ZFHX3: variants seen among roughly 807,000 people sequenced by gnomAD.
The protein encoded by ZFHX3 is zinc finger homeobox protein 3.
Under a neutral mutation model 279.1 loss-of-function variants are expected in ZFHX3, and 42 were observed. That is an observed-to-expected ratio of 0.15 (90% CI 0.12 to 0.19). The LOEUF is 0.19. ZFHX3 is among the 10% of genes least tolerant of loss of function. The pLI, the probability that ZFHX3 is intolerant of heterozygous loss-of-function variation, is 1.00. For missense variants in ZFHX3, 4,981 were observed against 4,754.0 expected (o/e 1.05, Z -1.40); for synonymous variants, 2,293 against 1,957.8 (o/e 1.17, Z -4.52).
intron 4 of ZFHX3, among the ~76,000 whole-genome samples, chr16:72,889,247 C>T (rs2038706924): frequency 6.6e-6 from 1 of 152,116 alleles, no homozygotes; most frequent in South Asian, 2.1e-4. Context: ...TTATTCCTCT[C>T]TAAAGTTCAG....
intron 1 of ZFHX3, among the ~76,000 whole-genome samples, chr16:73,770,229 T>C (rs558817433): frequency 6.6e-6 from 1 of 152,202 alleles, no homozygotes; most frequent in Non-Finnish European, 1.5e-5. Flanking sequence ...GTCAGAGTGA[T>C]GTAATGTTAG....
chr16:72,997,979 G>T (rs1251751125), intron 1 of ZFHX3, among the ~76,000 whole-genome samples: 1 of 152,156 alleles, frequency 6.6e-6, no homozygotes, highest in African/African-American at 2.4e-5. Flanking sequence ...CTACTCAGGA[G>T]GCTGGGATAG....
chr16:73,396,073 C>A, intron 3 of ZFHX3, among the ~76,000 whole-genome samples: 1 of 152,192 alleles, frequency 6.6e-6, no homozygotes, highest in South Asian at 2.1e-4. Context: ...AGGAATGTAG[C>A]AATTCTGTTG....
chr16:73,600,386 T>G (rs557139899), intron 2 of ZFHX3, among the ~76,000 whole-genome samples: 1 of 151,950 alleles, frequency 6.6e-6, no homozygotes, highest in East Asian at 2.0e-4. Flanking sequence ...TGCTGTATCT[T>G]TTAGCTCTGT....
chr16:73,255,180 G>C (rs1209050442), intron 5 of ZFHX3, among the ~76,000 whole-genome samples: 1 of 152,204 alleles, frequency 6.6e-6, no homozygotes, highest in Non-Finnish European at 1.5e-5. Flanking sequence ...TCAACGGCTA[G>C]GATCATACCT....
At chr16:72,866,399 G>A (rs2038025529) in intron 4 of ZFHX3, among the ~76,000 whole-genome samples, 1 of 152,208 alleles carries the variant, frequency 6.6e-6, no homozygotes, top group South Asian at 2.1e-4. Flanking sequence ...CAAGAAGGGT[G>A]CAATTGGGAG....
In ZFHX3 at chr16:73,079,769, C is replaced by T. The variant is rs558644672; in HGVS notation, c.-533+13466G>A. ...GATGTGCCATCCTTCCATTCATTACCCAATTTCCTGAAGAATCATTTAAAT... is the reference window on the plus strand; with the variant it reads ...GATGTGCCATCCTTCCATTCATTACTCAATTTCCTGAAGAATCATTTAAAT... On this transcript the variant is annotated intron_variant, in intron 8 of 17. Transcript: ENST00000641206. Among the ~76,000 whole-genome samples, 33 of 152,268 alleles carry T rather than the reference C, an allele frequency of 2.2e-4. No individual in the cohort carries two copies. The South Asian group carries it at 6.9e-3, about 32-fold the overall frequency.
At chr16:73,627,424 C>G (rs1168285213) in intron 2 of ZFHX3, among the ~76,000 whole-genome samples, 1 of 152,190 alleles carries the variant, frequency 6.6e-6, no homozygotes, top group Non-Finnish European at 1.5e-5. Flanking sequence ...ATGTCCTTTG[C>G]AAGCCGGAAA....
chr16:73,225,511 G>A (rs1372741953), intron 5 of ZFHX3, among the ~76,000 whole-genome samples: 10 of 152,134 alleles, frequency 6.6e-5, no homozygotes, highest in East Asian at 5.8e-4. Context: ...CGTCATTTGA[G>A]CCCGGGAGGT....
chr16:72,786,534 A>ATACTT lies in ZFHX3; in HGVS notation c.*625_*629dup, dbSNP rs1001975164. The ATACTT allele has an allele frequency of 2.0e-5, 3 of 150,504 alleles. No homozygotes were observed. The highest frequency in any genetic ancestry group is 1.3e-4 in the Admixed American group (2 of 15,122). The allele number at this position is 150,504 out of a possible 1,614,324, so 9.3% of individuals were successfully genotyped here. A position where few individuals can be genotyped will look rare whatever the true frequency, so the allele number is the denominator to read the frequency against. ...AAGCAGTTCACATTGTTTTTCTTGA[A>ATACTT]TACTTTCTGCCCATTTTTAAGTTAA... On this transcript the variant is annotated 3_prime_UTR_variant, in exon 10 of 10. Transcript: ENST00000268489.
intron 3 of ZFHX3, among the ~76,000 whole-genome samples, chr16:73,389,870 G>A (rs985317658): frequency 6.6e-6 from 1 of 152,142 alleles, no homozygotes; most frequent in Non-Finnish European, 1.5e-5. Flanking sequence ...GACCAGCCTG[G>A]CCAACACAGT....
chr16:73,160,617 C>T (rs774005297), intron 5 of ZFHX3, among the ~76,000 whole-genome samples: 19 of 152,218 alleles, frequency 1.2e-4, no homozygotes, highest in Non-Finnish European at 2.2e-4. Flanking sequence ...TCATTACTGC[C>T]ATCATAATCA....
intron 2 of ZFHX3, among the ~76,000 whole-genome samples, chr16:73,508,598 G>A (rs1333406600): frequency 6.6e-6 from 1 of 152,140 alleles, no homozygotes; most frequent in African/African-American, 2.4e-5. Flanking sequence ...GAAAATAGTG[G>A]GAGCTGAACT....
At chr16:73,687,058 A>ATATATATATG (rs1370607539) in intron 1 of ZFHX3, among the ~76,000 whole-genome samples, 1 of 84,290 alleles carries the variant, frequency 1.2e-5, no homozygotes. Context: ...ATATATATAT[A>ATATATATATG]TATATATTTG....
chr16:73,636,207 C>A (rs1020641189), intron 2 of ZFHX3, among the ~76,000 whole-genome samples: 1 of 152,142 alleles, frequency 6.6e-6, no homozygotes, highest in Non-Finnish European at 1.5e-5. Flanking sequence ...TATTACTAGA[C>A]TCCTCAAGAT....
At chr16:73,827,783 T>G (rs1193340467) in intron 1 of ZFHX3, among the ~76,000 whole-genome samples, 2 of 129,524 alleles carry the variant, frequency 1.5e-5, no homozygotes, top group Admixed American at 8.4e-5. Context: ...TTGTTATAAT[T>G]TCTGTTCTTT....
At chr16:73,223,107 T>G (rs1304261838) in intron 5 of ZFHX3, among the ~76,000 whole-genome samples, 1 of 152,094 alleles carries the variant, frequency 6.6e-6, no homozygotes, top group East Asian at 1.9e-4. Flanking sequence ...AACATAAAAC[T>G]GTAAAACTCC....
At chr16:73,545,165 C>G (rs1284528957) in intron 2 of ZFHX3, among the ~76,000 whole-genome samples, 1 of 152,096 alleles carries the variant, frequency 6.6e-6, no homozygotes, top group Admixed American at 6.5e-5. Flanking sequence ...CCCACCTCTG[C>G]TAAAAATAAG....
At chr16:73,394,392 T>C (rs1443515400) in intron 3 of ZFHX3, among the ~76,000 whole-genome samples, 1 of 151,970 alleles carries the variant, frequency 6.6e-6, no homozygotes, top group Non-Finnish European at 1.5e-5. Context: ...CACCTCCTGG[T>C]TCAACTGATT....
Sources: allele counts gnomAD v4.1 joint callset (sites outside exome capture counted in the v4.1 genomes callset), GRCh38; gene constraint gnomAD v4.1.1; transcripts MANE v1.5; gene names NCBI Gene and HGNC (gene_info 2026-07-23, HGNC 2026-07-21).